The following ARHGEF28 variants were observed in gnomAD, a reference collection of about 807,000 sequenced individuals.
The protein encoded by ARHGEF28 is 190 kDa guanine nucleotide exchange factor.
Under a neutral mutation model 206.6 loss-of-function variants are expected in ARHGEF28, and 152 were observed. The observed-to-expected ratio is 0.74, with a 90% CI of 0.64 to 0.84. The LOEUF (loss-of-function observed/expected upper bound fraction) is 0.84, where lower values mean the gene tolerates loss of function less well. ARHGEF28 is among the 40% of genes least tolerant of loss of function. ARHGEF28 has a pLI of 0.00. For missense variants in ARHGEF28, 2,028 were observed against 2,073.2 expected (o/e 0.98, Z 0.42); for synonymous variants, 763 against 776.4 (o/e 0.98, Z 0.29).
At chr5:73,654,129 C>T (rs1745020492) in intron 1 of ARHGEF28, among the ~76,000 whole-genome samples, 1 of 152,184 alleles carries the variant, frequency 6.6e-6, no homozygotes, top group Non-Finnish European at 1.5e-5. Flanking sequence ...GTACCAGCCC[C>T]TGGCTGCACT....
intron 6 of ARHGEF28, among the ~76,000 whole-genome samples, chr5:73,779,449 A>G: frequency 6.6e-6 from 1 of 152,218 alleles, no homozygotes; most frequent in East Asian, 1.9e-4. Flanking sequence ...TTTTCAAGAG[A>G]AAATAGCGTT....
intron 3 of ARHGEF28, among the ~76,000 whole-genome samples, chr5:73,750,641 T>C (rs1165514431): frequency 5.9e-5 from 9 of 152,148 alleles, no homozygotes; most frequent in African/African-American, 2.2e-4. Flanking sequence ...CCCTTCTCAA[T>C]ATAGTTGTTT....
intron 10 of ARHGEF28, among the ~76,000 whole-genome samples, chr5:73,838,703 TG>T (rs1403911551): frequency 9.8e-5 from 15 of 152,346 alleles, no homozygotes; most frequent in Non-Finnish European, 4.4e-5. Context: ...TAAGAATAAA[TG>T]AAAAATATGG....
intron 3 of ARHGEF28, among the ~76,000 whole-genome samples, chr5:73,750,274 G>A (rs1751956653): frequency 6.6e-6 from 1 of 152,116 alleles, no homozygotes; most frequent in African/African-American, 2.4e-5. Flanking sequence ...GTCAACTGGA[G>A]GAAACACTGT....
rs183309097 is a variant in ARHGEF28, at chr5:73,731,269, A to T, written c.34-18568A>T. ...GGGTATAACCAGTTAAAAAAACAAA[A>T]TGCGGATCTGTGTCTATCTTGTCAG... is the stretch of plus-strand genomic sequence containing the variant. On this transcript the variant is annotated intron_variant, in intron 2 of 35. Transcript: ENST00000513042. Among the ~76,000 whole-genome samples, 7 of 152,298 alleles carry T rather than the reference A, an allele frequency of 4.6e-5. No homozygotes were observed. In the South Asian group the frequency reaches 1.0e-3, roughly 23 times the overall value.
intron 17 of ARHGEF28, 86 bp from the exon 18 acceptor site, chr5:73,865,879 A>G: frequency 1.0e-6 from 1 of 998,892 alleles, no homozygotes; most frequent in Non-Finnish European, 1.5e-6. Context: ...ATAGATAAGA[A>G]TTCTGTTCTG....
chr5:73,731,512 G>A (rs1385837763), intron 2 of ARHGEF28, among the ~76,000 whole-genome samples: 1 of 152,194 alleles, frequency 6.6e-6, no homozygotes, highest in Non-Finnish European at 1.5e-5. Flanking sequence ...TATTTGACAA[G>A]TTACTGTGTC....
chr5:73,764,898 T>G (rs1032991535), intron 4 of ARHGEF28, among the ~76,000 whole-genome samples: 2 of 152,220 alleles, frequency 1.3e-5, no homozygotes, highest in Non-Finnish European at 2.9e-5. Context: ...ACAACCCTTT[T>G]CTCATTCTTA....
At chr5:73,764,619 A>G (rs1203131114) in intron 4 of ARHGEF28, among the ~76,000 whole-genome samples, 2 of 152,220 alleles carry the variant, frequency 1.3e-5, no homozygotes, top group African/African-American at 4.8e-5. Flanking sequence ...CTGAAGCAGA[A>G]AACAAGTTTT....
At chr5:73,658,132 CTT>C (rs1433493357) in intron 1 of ARHGEF28, among the ~76,000 whole-genome samples, 1 of 127,228 alleles carries the variant, frequency 7.9e-6, no homozygotes, top group African/African-American at 2.6e-5. Flanking sequence ...AAAGGAAGTC[CTT>C]TTTTTAAAAA....
chr5:73,785,334 C>T (rs1344477684), intron 7 of ARHGEF28, among the ~76,000 whole-genome samples: 1 of 152,174 alleles, frequency 6.6e-6, no homozygotes, highest in Non-Finnish European at 1.5e-5. Context: ...TTCTCAACCT[C>T]TCATAGAAAC....
chr5:73,842,791 C>T (rs546593258), intron 11 of ARHGEF28, among the ~76,000 whole-genome samples: 6 of 152,036 alleles, frequency 3.9e-5, no homozygotes, highest in Admixed American at 2.6e-4. Flanking sequence ...CCAGCCTAGG[C>T]GGCCAACACG....
chr5:73,800,659 G>GA (rs1289406329), intron 9 of ARHGEF28, among the ~76,000 whole-genome samples: 1 of 151,928 alleles, frequency 6.6e-6, no homozygotes, highest in African/African-American at 2.4e-5. Context: ...AAAAAAGAAA[G>GA]AAAAAACCCG....
At chr5:73,731,350 TA>T (rs1336900052) in intron 2 of ARHGEF28, among the ~76,000 whole-genome samples, 1 of 152,200 alleles carries the variant, frequency 6.6e-6, no homozygotes, top group East Asian at 1.9e-4. Context: ...GTTAGACATA[TA>T]CCTTGAAAAA....
intron 4 of ARHGEF28, among the ~76,000 whole-genome samples, chr5:73,765,427 C>A (rs1178481082): frequency 6.6e-6 from 1 of 152,210 alleles, no homozygotes; most frequent in East Asian, 1.9e-4. Context: ...TCCCAGTCAG[C>A]CAGCCACACA....
intron 3 of ARHGEF28, among the ~76,000 whole-genome samples, chr5:73,750,945 A>G (rs571941676): frequency 6.6e-6 from 1 of 152,316 alleles, no homozygotes; most frequent in African/African-American, 2.4e-5. Context: ...TGAACATGCA[A>G]ACAACACAGA....
intron 35 of ARHGEF28, among the ~76,000 whole-genome samples, chr5:73,915,632 A>G (rs558686630): frequency 6.6e-6 from 1 of 152,232 alleles, no homozygotes. Context: ...TCTGAAAGGC[A>G]AAAACAAAGA....
rs371641631 is a variant in ARHGEF28, at chr5:73,742,293, T to C, written c.34-7544T>C. ...TTGGTGTACTATTTGGAGTAGTCTA[T>C]CTACATTTAATATAATTGCTGATAT... On this transcript the variant is annotated intron_variant, in intron 2 of 35. Coordinates refer to ENST00000513042, the MANE Select transcript of ARHGEF28 (RefSeq NM_001177693.2). Among the ~76,000 whole-genome samples the C allele has an allele frequency of 4.7e-4, 72 of 152,290 alleles. 1 individual carries two copies. The highest frequency in any genetic ancestry group is 1.6e-3 in the African/African-American group (67 of 41,576).
At position 73,878,897 on chromosome 5, in the gene ARHGEF28, T is replaced by G. The variant is rs190895372; in HGVS notation, c.2815-3575T>G. ...TCAACTTTGGTGAATCTGACAATTA[T>G]GTGTCTTGGAGTTGGTCTTCTCGAG... On this transcript the variant is annotated intron_variant, in intron 22 of 35. Transcript: ENST00000513042. 2.7e-3 allele frequency among the ~76,000 whole-genome samples: 413 copies of G among 152,218 alleles called. 11 individuals carry two copies. In the East Asian group the frequency reaches 0.071, roughly 26 times the overall value.
Sources: allele counts gnomAD v4.1 joint callset (sites outside exome capture counted in the v4.1 genomes callset), GRCh38; gene constraint gnomAD v4.1.1; transcripts MANE v1.5; gene names NCBI Gene and HGNC (gene_info 2026-07-23, HGNC 2026-07-21).